Variants in PTPRD observed in about 807,000 individuals in gnomAD.
PTPRD encodes the protein receptor-type tyrosine-protein phosphatase delta.
Under a neutral mutation model 214.5 loss-of-function variants are expected in PTPRD, and 34 were observed. That is an observed-to-expected ratio of 0.16 (90% confidence interval 0.12 to 0.21). The LOEUF (loss-of-function observed/expected upper bound fraction) is 0.21. Among genes scored for constraint, PTPRD ranks in the 10% least tolerant of loss-of-function variants. The pLI is 1.00. For missense variants in PTPRD, 2,545 were observed against 2,398.7 expected, an observed-to-expected ratio of 1.06 and a Z score of -1.27; for synonymous variants, 1,128 against 845.7, an observed-to-expected ratio of 1.33 and a Z score of -5.79.
intron 7 of PTPRD, among the ~76,000 whole-genome samples, chr9:9,626,664 C>T (rs775560719): frequency 2.0e-5 from 3 of 152,120 alleles, no homozygotes; most frequent in Non-Finnish European, 4.4e-5. Flanking sequence ...ATTTATGACA[C>T]AAGTACTGTA....
intron 8 of PTPRD, among the ~76,000 whole-genome samples, chr9:9,471,627 T>A (rs2146523449): frequency 6.6e-6 from 1 of 152,314 alleles, no homozygotes; most frequent in African/African-American, 2.4e-5. Context: ...CTGATCAAGT[T>A]TTCTAATCTT....
chr9:9,961,746 C>T (rs914754272), intron 4 of PTPRD, among the ~76,000 whole-genome samples: 40 of 152,036 alleles, frequency 2.6e-4, no homozygotes, highest in African/African-American at 3.9e-4. Flanking sequence ...CACTGTAATA[C>T]GGTGCTTGGC....
intron 5 of PTPRD, among the ~76,000 whole-genome samples, chr9:9,782,625 G>C (rs117872817): frequency 1.4e-4 from 22 of 152,104 alleles, no homozygotes; most frequent in Non-Finnish European, 2.8e-4. Context: ...TGCTGTTCCT[G>C]GGGAAAAATT....
chr9:10,182,456 T>C (rs566846604), intron 3 of PTPRD, among the ~76,000 whole-genome samples: 4 of 151,924 alleles, frequency 2.6e-5, no homozygotes, highest in Admixed American at 1.3e-4. Flanking sequence ...GGAGATCAAA[T>C]TGAAAAATAT....
chr9:9,560,915 T>C (rs2082757680), intron 8 of PTPRD, among the ~76,000 whole-genome samples: 1 of 152,082 alleles, frequency 6.6e-6, no homozygotes, highest in African/African-American at 2.4e-5. Context: ...TTTCTCTTTC[T>C]GGGCACGAGC....
chr9:10,230,932 C>T (rs187712119), intron 3 of PTPRD, among the ~76,000 whole-genome samples: 37 of 152,034 alleles, frequency 2.4e-4, no homozygotes, highest in African/African-American at 8.9e-4. Context: ...CTATCACGTA[C>T]ATTGGTAGAT....
chr9:10,193,392 T>C (rs532149323), intron 3 of PTPRD, among the ~76,000 whole-genome samples: 7 of 152,134 alleles, frequency 4.6e-5, no homozygotes, highest in African/African-American at 1.7e-4. Context: ...ATGAAGGAGA[T>C]AGAGTAGGAT....
intron 11 of PTPRD, among the ~76,000 whole-genome samples, chr9:8,955,019 T>G (rs950505775): frequency 2.0e-5 from 3 of 151,740 alleles, no homozygotes; most frequent in African/African-American, 7.3e-5. Flanking sequence ...AAAATGATAT[T>G]GAAAAATTAG....
chr9:10,155,240 C>G (rs550030848), intron 3 of PTPRD, among the ~76,000 whole-genome samples: 1 of 151,934 alleles, frequency 6.6e-6, no homozygotes. Context: ...TGATTTGGTT[C>G]TCAGTTTGAC....
At chr9:8,759,856 G>A (rs1241085447) in intron 11 of PTPRD, among the ~76,000 whole-genome samples, 1 of 152,052 alleles carries the variant, frequency 6.6e-6, no homozygotes, top group Non-Finnish European at 1.5e-5. Context: ...TTTCCCTTGT[G>A]CTGAAACATT....
At chr9:9,409,969 G>A (rs2074846220) in intron 8 of PTPRD, among the ~76,000 whole-genome samples, 1 of 152,072 alleles carries the variant, frequency 6.6e-6, no homozygotes, top group Non-Finnish European at 1.5e-5. Context: ...TGGCCTGTCT[G>A]ACTACCATCT....
In PTPRD at chr9:8,486,262, G is replaced by A. The variant is rs776728008; in HGVS notation, c.2555C>T (p.Pro852Leu). ...AAATTTTAGACGGTAGCCCTGAAGA[G>A]GTCCAAATGTGTCCACCGGAGGGTG... ...QWHPPVDTFGPLQGYRLKFGR... is the reference protein window; with the variant it reads ...QWHPPVDTFGLLQGYRLKFGR... Residue 852 changes from proline to leucine, a missense_variant, in exon 28 of 46, where the codon CCT (proline) becomes CTT (leucine). Coordinates refer to ENST00000381196, the MANE Select transcript of PTPRD (RefSeq NM_002839.4). 1 of 1,614,164 alleles carries A rather than the reference G, an allele frequency of 6.2e-7. No individual in the cohort carries two copies.
intron 11 of PTPRD, among the ~76,000 whole-genome samples, chr9:8,758,439 T>G (rs931748588): frequency 6.6e-6 from 1 of 152,092 alleles, no homozygotes. Flanking sequence ...TTTGATATCA[T>G]TTTGTTTTAA....
At chr9:10,373,069 G>A (rs180689994) in intron 2 of PTPRD, among the ~76,000 whole-genome samples, 1 of 150,588 alleles carries the variant, frequency 6.6e-6, no homozygotes, top group South Asian at 2.1e-4. Context: ...CTGACCTCAA[G>A]TGATCCGCCA....
intron 3 of PTPRD, among the ~76,000 whole-genome samples, chr9:10,183,185 A>G (rs773570943): frequency 6.6e-6 from 1 of 152,140 alleles, no homozygotes; most frequent in Non-Finnish European, 1.5e-5. Context: ...ATTTTTTTAA[A>G]GAAACAATAC....
At chr9:8,527,396 A>C (rs1429468429) in intron 15 of PTPRD, 43 bp from the exon 16 acceptor site, 1 of 1,573,878 alleles carries the variant, frequency 6.4e-7, no homozygotes. Flanking sequence ...GCATAAAAAT[A>C]TTATTATATT....
At chr9:8,826,923 G>A (rs566346827) in intron 11 of PTPRD, among the ~76,000 whole-genome samples, 9 of 152,148 alleles carry the variant, frequency 5.9e-5, no homozygotes, top group African/African-American at 1.2e-4. Flanking sequence ...CAATGAGCAC[G>A]ATTCCTTGAC....
At chr9:8,869,489 A>G (rs1347096887) in intron 11 of PTPRD, among the ~76,000 whole-genome samples, 1 of 152,174 alleles carries the variant, frequency 6.6e-6, no homozygotes, top group East Asian at 1.9e-4. Context: ...TTTATGGCTG[A>G]CCCAGACTCA....
chr9:9,958,292 G>A (rs1404894925), intron 4 of PTPRD, among the ~76,000 whole-genome samples: 1 of 152,186 alleles, frequency 6.6e-6, no homozygotes, highest in Non-Finnish European at 1.5e-5. Flanking sequence ...CACTTTGGGA[G>A]GCTGAGGTGG....
Sources: gnomAD v4.1 joint callset for allele counts (sites outside exome capture counted in the v4.1 genomes callset) on GRCh38, gnomAD v4.1.1 for gene constraint, MANE v1.5 for transcripts, NCBI Gene and HGNC (gene_info 2026-07-23, HGNC 2026-07-21) for gene names.